The following CDYL variants were observed in gnomAD, a reference collection of about 807,000 sequenced individuals.
CDYL encodes the protein chromodomain Y-like protein.
CDYL carries 8 observed loss-of-function variants against 47.3 expected under a neutral mutation model. That is an observed-to-expected ratio of 0.17 (90% CI 0.10 to 0.31). The LOEUF (loss-of-function observed/expected upper bound fraction) is 0.31. Ranked by LOEUF, CDYL falls within the 10% of genes least tolerant of loss-of-function variation. The pLI is 1.00. For synonymous variants in CDYL, 266 were observed against 265.0 expected, an observed-to-expected ratio of 1.00 and a Z score of -0.04; for missense variants, 471 against 701.4, an observed-to-expected ratio of 0.67 and a Z score of 3.71.
At chr6:4,773,115 A>G (rs1470690921), upstream of CDYL, 49 of 457,220 alleles carry the variant, frequency 1.1e-4, 1 homozygote, top group Non-Finnish European at 1.1e-4. This position sits in a 1 kb window ranked among gnomAD's most constrained non-coding sequence, Gnocchi z 4.6. Flanking sequence ...TCGATGATCA[A>G]TTGTTTGGAT....
At chr6:4,706,694 A>G (rs1398620014) in intron 1 of CDYL, among the ~76,000 whole-genome samples, 2 of 152,056 alleles carry the variant, frequency 1.3e-5, no homozygotes, top group African/African-American at 4.8e-5. Flanking sequence ...GAGGCTGAGG[A>G]ATAAGAATCG....
chr6:4,714,353 TAGG>T (rs889993394), intron 1 of CDYL: 9 of 151,858 alleles, frequency 5.9e-5, no homozygotes, highest in African/African-American at 1.9e-4. Flanking sequence ...ACTTATTACT[TAGG>T]AGAAGTTAAC....
intron 3 of CDYL, among the ~76,000 whole-genome samples, chr6:4,751,199 T>A (rs1757984145): frequency 6.6e-6 from 1 of 152,192 alleles, no homozygotes; most frequent in Non-Finnish European, 1.5e-5. Flanking sequence ...CTAGAGTTTA[T>A]TTTTAAATGG....
intron 2 of CDYL, among the ~76,000 whole-genome samples, chr6:4,719,117 G>A (rs1182650624): frequency 6.6e-6 from 1 of 152,112 alleles, no homozygotes; most frequent in Non-Finnish European, 1.5e-5. Context: ...TAGAGATGGA[G>A]TTTTGCCATG....
chr6:4,795,401 A>C (rs1419602682), intron 1 of CDYL, among the ~76,000 whole-genome samples: 1 of 152,194 alleles, frequency 6.6e-6, no homozygotes, highest in African/African-American at 2.4e-5. Context: ...AGAAAGACAC[A>C]ACTGAATATT....
In CDYL at chr6:4,895,977, A is replaced by G. The variant is rs545671778; in HGVS notation, c.691+3598A>G. Among the ~76,000 whole-genome samples, 298 of 152,292 alleles carry G rather than the reference A, an allele frequency of 2.0e-3. 2 individuals carry two copies. Among genetic ancestry groups the G allele is most frequent in the African/African-American group, 6.9e-3 (288 of 41,570 alleles). ...GAGTTGGGAGGTTGGGTTGGGAATGACAGTATTTTTCCAAGGCCCTCACCA... is the reference window on the plus strand; with the variant it reads ...GAGTTGGGAGGTTGGGTTGGGAATGGCAGTATTTTTCCAAGGCCCTCACCA... On this transcript the variant is annotated intron_variant, in intron 2 of 6. Transcript: ENST00000397588.
chr6:4,799,468 TA>T lies in CDYL; in HGVS notation c.24+22662del, dbSNP rs1208331046. ...ATTTTTTTTTTATTTTTTTATTTTT[TA>T]GGCAAGGTCTCACTCACCCAGGTTG... On this transcript the variant is annotated intron_variant, in intron 1 of 6. Transcript: ENST00000397588. Among the ~76,000 whole-genome samples the T allele has an allele frequency of 2.0e-5, 3 of 152,160 alleles. 1 individual carries two copies. The highest frequency in any genetic ancestry group is 4.4e-5 in the Non-Finnish European group (3 of 68,030).
chr6:4,857,226 TAATC>T (rs1184516072), intron 1 of CDYL, among the ~76,000 whole-genome samples: 1 of 152,210 alleles, frequency 6.6e-6, no homozygotes, highest in South Asian at 2.1e-4. Flanking sequence ...TTCACACTGA[TAATC>T]AACCATCACC....
intron 2 of CDYL, among the ~76,000 whole-genome samples, chr6:4,894,238 C>T (rs1762131831): frequency 1.3e-5 from 2 of 152,284 alleles, no homozygotes; most frequent in African/African-American, 4.8e-5. Flanking sequence ...GAGCGCGTGC[C>T]TTAGTGCCTC....
intron 2 of CDYL, among the ~76,000 whole-genome samples, chr6:4,919,318 G>A (rs992958420): frequency 2.0e-5 from 3 of 151,848 alleles, no homozygotes; most frequent in African/African-American, 7.3e-5. Flanking sequence ...AAAAAAAAAA[G>A]AAGTAAGAGT....
intron 2 of CDYL, chr6:4,716,030 T>C: frequency 3.3e-6 from 4 of 1,213,538 alleles, no homozygotes; most frequent in Non-Finnish European, 4.5e-6. Flanking sequence ...GGGCGGATCA[T>C]GAGGTCAGGA....
At position 4,776,729 on chromosome 6, in the gene CDYL, G is replaced by A. The variant is rs1758462510; in HGVS notation, c.-55G>A. On this transcript the variant is annotated 5_prime_UTR_variant, in exon 1 of 7. Transcript: ENST00000397588. ...AACTGAAACAAAGTGTCGGCCGCCC[G>A]GCGCCGGCGCCCGCCCCGACCCTGC... The A allele has an allele frequency of 3.9e-6, 5 of 1,267,390 alleles. No homozygotes were observed. In the South Asian group the frequency reaches 5.5e-5, roughly 14 times the overall value. The allele number at this position is 1,267,390 out of a possible 1,614,324, so 78.5% of individuals were successfully genotyped here.
chr6:4,760,328 A>G (rs1758155261), intron 3 of CDYL, among the ~76,000 whole-genome samples: 2 of 151,288 alleles, frequency 1.3e-5, no homozygotes, highest in South Asian at 4.2e-4. Context: ...GAAAGCAAAG[A>G]GTAGTTATGC....
chr6:4,876,412 C>G (rs906743212), intron 1 of CDYL, among the ~76,000 whole-genome samples: 11 of 152,264 alleles, frequency 7.2e-5, no homozygotes, highest in Admixed American at 3.3e-4. Flanking sequence ...AAAATGCTGT[C>G]AGACCTTTTG....
chr6:4,826,936 A>G (rs985263768), intron 1 of CDYL, among the ~76,000 whole-genome samples: 5 of 152,184 alleles, frequency 3.3e-5, no homozygotes, highest in Admixed American at 1.3e-4. Flanking sequence ...TTGTAAAGCT[A>G]TCTTTTTCCC....
At chr6:4,867,028 A>G (rs772371302) in intron 1 of CDYL, among the ~76,000 whole-genome samples, 15 of 152,164 alleles carry the variant, frequency 9.9e-5, no homozygotes, top group Non-Finnish European at 1.6e-4. Flanking sequence ...TTGTGAACCC[A>G]TCATCAGTCG....
chr6:4,756,974 A>T (rs1758085222), intron 3 of CDYL, among the ~76,000 whole-genome samples: 1 of 152,194 alleles, frequency 6.6e-6, no homozygotes, highest in Non-Finnish European at 1.5e-5. Context: ...AAGCAAAACT[A>T]TTGTGGTTAT....
chr6:4,766,966 T>C (rs1472180396), intron 3 of CDYL, among the ~76,000 whole-genome samples: 1 of 151,974 alleles, frequency 6.6e-6, no homozygotes, highest in East Asian at 1.9e-4. Flanking sequence ...CTTACCACTG[T>C]ACTCCAGCCT....
intron 2 of CDYL, among the ~76,000 whole-genome samples, chr6:4,920,584 A>C (rs1757682626): frequency 6.6e-6 from 1 of 152,172 alleles, no homozygotes; most frequent in African/African-American, 2.4e-5. Context: ...GGAGTGGTTA[A>C]AGTGAAATGG....
Sources: gnomAD v4.1 joint callset for allele counts (sites outside exome capture counted in the v4.1 genomes callset) on GRCh38, gnomAD v4.1.1 for gene constraint, Gnocchi (gnomAD v3.1) non-coding constraint, MANE v1.5 for transcripts, NCBI Gene and HGNC (gene_info 2026-07-23, HGNC 2026-07-21) for gene names.